CLMP: variants seen among roughly 807,000 people sequenced by gnomAD.
CLMP encodes the protein CXADR like cell adhesion molecule, also known as CXADR-like membrane protein.
A neutral mutation model predicts 45.2 loss-of-function variants in CLMP; 27 were observed. The observed-to-expected ratio is 0.60, with a 90% CI of 0.44 to 0.82. The LOEUF (loss-of-function observed/expected upper bound fraction) is 0.82, where lower values mean the gene tolerates loss of function less well. CLMP is among the 40% of genes least tolerant of loss of function. The pLI is 0.00. For missense variants in CLMP, 403 were observed against 448.4 expected, an observed-to-expected ratio of 0.90 and a Z score of 0.91; for synonymous variants, 167 against 171.4, an observed-to-expected ratio of 0.97 and a Z score of 0.20.
intron 1 of CLMP, among the ~76,000 whole-genome samples, chr11:123,169,002 G>C (rs892413537): frequency 6.6e-6 from 1 of 152,086 alleles, no homozygotes; most frequent in Non-Finnish European, 1.5e-5. Flanking sequence ...GAATATGAAA[G>C]ACCACCATAA....
chr11:123,141,550 G>A (rs1172077313), intron 1 of CLMP, among the ~76,000 whole-genome samples: 1 of 152,022 alleles, frequency 6.6e-6, no homozygotes, highest in East Asian at 1.9e-4. Context: ...TGCTGTGACA[G>A]TCAAAAATGT....
At chr11:123,166,676 G>A (rs11219038) in intron 1 of CLMP, among the ~76,000 whole-genome samples, 3,166 of 152,312 alleles carry the variant, frequency 0.021, 86 homozygotes, top group African/African-American at 0.072. Flanking sequence ...CATCTCAGAA[G>A]TCTGCTGCCA....
chr11:123,092,732 G>T (rs1434923644), intron 2 of CLMP, among the ~76,000 whole-genome samples: 1 of 151,930 alleles, frequency 6.6e-6, no homozygotes, highest in African/African-American at 2.4e-5. Flanking sequence ...CAAGTAGCTG[G>T]AACTACATGT....
At chr11:123,083,919 T>C (rs546456292) in intron 3 of CLMP, 72 bp from the exon 4 acceptor site, 69 of 1,553,178 alleles carry the variant, frequency 4.4e-5, no homozygotes, top group Non-Finnish European at 5.3e-5. Flanking sequence ...ATGGAAAAAT[T>C]ATGTCCTATT....
chr11:123,074,310 G>A (rs1375125912), intron 6 of CLMP, among the ~76,000 whole-genome samples: 2 of 151,906 alleles, frequency 1.3e-5, no homozygotes, highest in East Asian at 3.9e-4. Flanking sequence ...GAGTAGCTGG[G>A]ACTACAGGCA....
intron 1 of CLMP, among the ~76,000 whole-genome samples, chr11:123,152,889 C>T (rs910369626): frequency 6.6e-6 from 1 of 152,082 alleles, no homozygotes; most frequent in Non-Finnish European, 1.5e-5. Flanking sequence ...CTCAGGAGGG[C>T]CTGGTGAAGG....
At chr11:123,108,167 T>C (rs1860587431) in intron 1 of CLMP, among the ~76,000 whole-genome samples, 1 of 152,112 alleles carries the variant, frequency 6.6e-6, no homozygotes, top group Non-Finnish European at 1.5e-5. Context: ...GCCATTTGCT[T>C]TCCCAATCCC....
intron 1 of CLMP, among the ~76,000 whole-genome samples, chr11:123,120,750 C>T (rs2135499710): frequency 6.6e-6 from 1 of 152,212 alleles, no homozygotes; most frequent in Middle Eastern, 3.4e-3. Context: ...ATATTAATCA[C>T]AGGGTTCCTT....
intron 1 of CLMP, among the ~76,000 whole-genome samples, chr11:123,121,877 C>G (rs1302115325): frequency 1.3e-5 from 2 of 152,106 alleles, no homozygotes; most frequent in African/African-American, 2.4e-5. Flanking sequence ...GTAGCTGGTA[C>G]TGACTACAGG....
chr11:123,122,739 C>G (rs925049247), intron 1 of CLMP, among the ~76,000 whole-genome samples: 3 of 152,116 alleles, frequency 2.0e-5, no homozygotes, highest in Non-Finnish European at 4.4e-5. Context: ...CTATGAAACC[C>G]AAAGAGAAAA....
In CLMP at chr11:123,074,723, T is replaced by G. The variant is rs751387620; in HGVS notation, c.800A>C (p.Glu267Ala). ...TTACCGAATTTCATTAGGTCTCTCT[T>G]CTTCCTCATATCTTTCTTTGTCTTT... Reference protein sequence around the residue: ...RRKDKERYEEEERPNEIREDA... With the variant: ...RRKDKERYEEAERPNEIREDA... Residue 267 changes from glutamate (E) to alanine (A), a missense_variant, in exon 6 of 7, where the codon GAA becomes GCA. Glu to Ala is a moderately radical substitution (Grantham distance 107). Transcript: ENST00000448775. 103 of 1,614,052 alleles carry G rather than the reference T, an allele frequency of 6.4e-5. No individual in the cohort carries two copies. Among genetic ancestry groups the G allele is most frequent in the Non-Finnish European group, 8.0e-5 (94 of 1,180,040 alleles).
At chr11:123,131,086 A>AC (rs35486355) in intron 1 of CLMP, among the ~76,000 whole-genome samples, 5 of 151,184 alleles carry the variant, frequency 3.3e-5, no homozygotes, top group South Asian at 2.1e-4. Flanking sequence ...CAAGTGATCC[A>AC]CCCCCCTTGG....
intron 5 of CLMP, among the ~76,000 whole-genome samples, chr11:123,077,112 C>T (rs1400720230): frequency 1.3e-5 from 2 of 148,824 alleles, no homozygotes; most frequent in East Asian, 4.0e-4. Context: ...GATTCTCCTG[C>T]CTCAGTTTCC....
At chr11:123,161,921 G>A (rs1210456533) in intron 1 of CLMP, among the ~76,000 whole-genome samples, 1 of 152,162 alleles carries the variant, frequency 6.6e-6, no homozygotes, top group South Asian at 2.1e-4. Context: ...AGAACCACTT[G>A]ATTCAGTAGG....
intron 2 of CLMP, among the ~76,000 whole-genome samples, chr11:123,094,290 A>G (rs2135478037): frequency 6.6e-6 from 1 of 152,272 alleles, no homozygotes; most frequent in Middle Eastern, 3.4e-3. Flanking sequence ...TAATTTTAGT[A>G]GAGGTGGGGT....
rs181449498 is a variant in CLMP, at chr11:123,103,033, A to G, written c.29-5081T>C. On this transcript the variant is annotated intron_variant, in intron 1 of 6. Transcript: ENST00000448775. ...TTATCTGAGTGTAACCCACACGCTCATTTTTACCAATGAGCAAACTAAGAC... is the reference window on the plus strand; with the variant it reads ...TTATCTGAGTGTAACCCACACGCTCGTTTTTACCAATGAGCAAACTAAGAC... 2.3e-3 allele frequency among the ~76,000 whole-genome samples: 348 copies of G among 152,238 alleles called. 1 individual carries two copies. The highest frequency in any genetic ancestry group is 7.9e-3 in the African/African-American group (330 of 41,548).
At chr11:123,171,447 C>CTT (rs758162904) in intron 1 of CLMP, among the ~76,000 whole-genome samples, 1,761 of 136,418 alleles carry the variant, frequency 0.013, 95 homozygotes, top group Admixed American at 0.077. Flanking sequence ...CTTTTCTTTT[C>CTT]TTTTTTTTTT....
intron 1 of CLMP, among the ~76,000 whole-genome samples, chr11:123,112,770 A>ATTTTT (rs34587716): frequency 1.3e-4 from 15 of 113,980 alleles, no homozygotes; most frequent in African/African-American, 2.1e-4. Flanking sequence ...GTTAGTACCC[A>ATTTTT]TTTTTTTTTT....
chr11:123,111,637 AGTAAC>A (rs1403123664), intron 1 of CLMP, among the ~76,000 whole-genome samples: 3 of 152,204 alleles, frequency 2.0e-5, no homozygotes, highest in Non-Finnish European at 4.4e-5. Flanking sequence ...AGTTATTCTT[AGTAAC>A]AAGGATTCTA....
Sources: allele counts gnomAD v4.1 joint callset (sites outside exome capture counted in the v4.1 genomes callset), GRCh38; gene constraint gnomAD v4.1.1; transcripts MANE v1.5; gene names NCBI Gene and HGNC (gene_info 2026-07-23, HGNC 2026-07-21).